PRDM11: variants seen among roughly 807,000 people sequenced by gnomAD.
PRDM11 encodes PR domain-containing protein 11.
A neutral mutation model predicts 97.8 loss-of-function variants in PRDM11; 20 were observed. The observed-to-expected ratio is 0.20, with a 90% CI of 0.14 to 0.30. The LOEUF (loss-of-function observed/expected upper bound fraction) is 0.30, where lower values mean the gene tolerates loss of function less well. PRDM11 is among the 10% of genes least tolerant of loss of function. The pLI, the probability that PRDM11 is intolerant of heterozygous loss-of-function variation, is 1.00. For missense variants in PRDM11, 1,139 were observed against 1,555.2 expected, an observed-to-expected ratio of 0.73 and a Z score of 4.50; for synonymous variants, 599 against 637.7, an observed-to-expected ratio of 0.94 and a Z score of 0.91.
At chr11:45,200,641 C>T (rs1402934151) in intron 4 of PRDM11, among the ~76,000 whole-genome samples, 1 of 152,132 alleles carries the variant, frequency 6.6e-6, no homozygotes, top group Non-Finnish European at 1.5e-5. Context: ...CTCTTTTCCC[C>T]CAGGAGACAG....
intron 1 of PRDM11, among the ~76,000 whole-genome samples, chr11:45,124,822 A>G (rs1852526466): frequency 6.6e-6 from 1 of 152,194 alleles, no homozygotes; most frequent in Non-Finnish European, 1.5e-5. Context: ...TGTCTCTGCC[A>G]GGCTTTGGTA....
intron 1 of PRDM11, among the ~76,000 whole-genome samples, chr11:45,108,309 G>A (rs574993699): frequency 3.3e-5 from 5 of 152,272 alleles, no homozygotes; most frequent in South Asian, 2.1e-4. Flanking sequence ...TGGGATCCCC[G>A]TGTCTCCCCA....
At position 45,234,963 on chromosome 11, in the gene PRDM11, C is replaced by T. The variant is rs571115171; in HGVS notation, c.*6804C>T. 6 of 152,300 alleles carry T rather than the reference C, an allele frequency of 3.9e-5. No individual in the cohort carries two copies. The South Asian group carries it at 8.3e-4, about 21-fold the overall frequency. 9.4% of individuals were successfully genotyped at this position (152,300 alleles called of 1,614,324 possible). A position where few individuals can be genotyped will look rare whatever the true frequency, so the allele number is the denominator to read the frequency against. ...CTTGATGTTATTATTTTGCAGACTA[C>T]GCTTTATAGTACCTGTGTGACGGGA... On this transcript the variant is annotated 3_prime_UTR_variant, in exon 8 of 8. Coordinates refer to ENST00000683152, the MANE Select transcript of PRDM11 (RefSeq NM_001384648.1).
At chr11:45,122,236 C>CACACACAGAG (rs570495237) in intron 1 of PRDM11, among the ~76,000 whole-genome samples, 8 of 144,524 alleles carry the variant, frequency 5.5e-5, no homozygotes, top group South Asian at 2.3e-4. Context: ...CACACACACA[C>CACACACAGAG]AGAGAGAAAC....
intron 1 of PRDM11, among the ~76,000 whole-genome samples, chr11:45,104,137 G>A (rs1466271850): frequency 1.3e-5 from 2 of 152,234 alleles, no homozygotes; most frequent in Admixed American, 1.3e-4. Context: ...AGAGCTGTGT[G>A]GACAGGCTAG....
intron 1 of PRDM11, among the ~76,000 whole-genome samples, chr11:45,169,221 C>T (rs935439406): frequency 6.6e-6 from 1 of 152,188 alleles, no homozygotes; most frequent in Non-Finnish European, 1.5e-5. Flanking sequence ...ACCTATCACC[C>T]AACCTCAACA....
At chr11:45,109,913 G>A (rs1260844271) in intron 1 of PRDM11, among the ~76,000 whole-genome samples, 1 of 152,114 alleles carries the variant, frequency 6.6e-6, no homozygotes, top group Non-Finnish European at 1.5e-5. Context: ...CAGTGTCCAG[G>A]GTTGCTCACA....
intron 4 of PRDM11, among the ~76,000 whole-genome samples, chr11:45,197,526 G>A (rs1853167912): frequency 6.6e-6 from 1 of 152,104 alleles, no homozygotes; most frequent in African/African-American, 2.4e-5. Flanking sequence ...AATAAGAGCA[G>A]GAGGAATCTT....
At chr11:45,127,818 G>A (rs1044429081) in intron 1 of PRDM11, among the ~76,000 whole-genome samples, 1 of 152,260 alleles carries the variant, frequency 6.6e-6, no homozygotes, top group Non-Finnish European at 1.5e-5. Flanking sequence ...ACTTGACGAG[G>A]CAGTCTGCCC....
At chr11:45,179,146 G>A (rs1461587818) in intron 1 of PRDM11, among the ~76,000 whole-genome samples, 2 of 152,108 alleles carry the variant, frequency 1.3e-5, no homozygotes, top group Admixed American at 6.5e-5. Context: ...AGGGCAGAGG[G>A]GCCAGAGCAA....
At chr11:45,100,395 C>T (rs1227709909) in intron 1 of PRDM11, among the ~76,000 whole-genome samples, 1 of 152,234 alleles carries the variant, frequency 6.6e-6, no homozygotes, top group African/African-American at 2.4e-5. Flanking sequence ...GAAACTCATG[C>T]TCAGCCTTTC....
chr11:45,145,669 A>G (rs1851490883), upstream of PRDM11, among the ~76,000 whole-genome samples: 1 of 152,128 alleles, frequency 6.6e-6, no homozygotes. Flanking sequence ...TTGGTAGGAG[A>G]GACGTCGCCA....
At chr11:45,211,144 G>A (rs1012577473) in intron 5 of PRDM11, among the ~76,000 whole-genome samples, 5 of 152,170 alleles carry the variant, frequency 3.3e-5, no homozygotes, top group South Asian at 2.1e-4. Context: ...GCATCACCTC[G>A]CCGGGTCTCA....
At chr11:45,212,189 C>T (rs982451734) in intron 5 of PRDM11, among the ~76,000 whole-genome samples, 1 of 152,154 alleles carries the variant, frequency 6.6e-6, no homozygotes, top group African/African-American at 2.4e-5. Context: ...TGGCACGCAG[C>T]CGGTGGGCCA....
chr11:45,165,869 G>A (rs571450780), intron 1 of PRDM11, among the ~76,000 whole-genome samples: 163 of 152,246 alleles, frequency 1.1e-3, no homozygotes, highest in African/African-American at 3.7e-3. Context: ...ACTCCCTGCC[G>A]TGGAAGACCC....
intron 5 of PRDM11, among the ~76,000 whole-genome samples, chr11:45,206,840 C>T (rs1246905965): frequency 6.6e-6 from 1 of 152,256 alleles, no homozygotes; most frequent in African/African-American, 2.4e-5. Flanking sequence ...TAAGAGCATA[C>T]AGTCAGGGTA....
intron 4 of PRDM11, among the ~76,000 whole-genome samples, chr11:45,184,756 G>A (rs1272736473): frequency 6.6e-6 from 1 of 152,184 alleles, no homozygotes; most frequent in African/African-American, 2.4e-5. Flanking sequence ...ATGTCAAGTA[G>A]GCAGTTGGAT....
intron 1 of PRDM11, among the ~76,000 whole-genome samples, chr11:45,120,309 C>A (rs919266698): frequency 6.6e-6 from 1 of 152,090 alleles, no homozygotes; most frequent in Non-Finnish European, 1.5e-5. Flanking sequence ...GAGGCATAAC[C>A]AGTATTTGAA....
intron 1 of PRDM11, among the ~76,000 whole-genome samples, chr11:45,169,302 T>A (rs1852144597): frequency 6.6e-6 from 1 of 152,238 alleles, no homozygotes; most frequent in South Asian, 2.1e-4. Context: ...TAAAATTCAG[T>A]AAGCAGTAAC....
Sources: gnomAD v4.1 joint callset for allele counts (sites outside exome capture counted in the v4.1 genomes callset) on GRCh38, gnomAD v4.1.1 for gene constraint, MANE v1.5 for transcripts, NCBI Gene and HGNC (gene_info 2026-07-23, HGNC 2026-07-21) for gene names.